The following TENM3 variants were observed in gnomAD, a reference collection of about 807,000 sequenced individuals.
TENM3 encodes teneurin transmembrane protein 3.
A neutral mutation model predicts 255.1 loss-of-function variants in TENM3; 63 were observed. The observed-to-expected ratio is 0.25, with a 90% CI of 0.20 to 0.30. The LOEUF (loss-of-function observed/expected upper bound fraction) is 0.30, where lower values mean the gene tolerates loss of function less well. Ranked by LOEUF, TENM3 falls within the 10% of genes least tolerant of loss-of-function variation. TENM3 has a pLI of 1.00. For synonymous variants in TENM3, 1,306 were observed against 1,322.3 expected, an observed-to-expected ratio of 0.99 and a Z score of 0.27; for missense variants, 2,929 against 3,461.1, an observed-to-expected ratio of 0.85 and a Z score of 3.86.
chr4:181,529,447 A>G, the TENM3 span, among the ~76,000 whole-genome samples: 1,220 of 152,342 alleles, frequency 8.0e-3, 17 homozygotes, highest in African/African-American at 0.028. Flanking sequence ...AACTTCAAAC[A>G]GAAAACTCAA....
intron 3 of TENM3, among the ~76,000 whole-genome samples, chr4:182,456,320 TAAG>T (rs766722796): frequency 3.3e-5 from 5 of 152,196 alleles, no homozygotes; most frequent in Non-Finnish European, 5.9e-5. Flanking sequence ...ATGAATGAAA[TAAG>T]AACAGAAAGG....
At chr4:181,467,934 C>A in the TENM3 span, among the ~76,000 whole-genome samples, 1 of 152,014 alleles carries the variant, frequency 6.6e-6, no homozygotes, top group Admixed American at 6.6e-5. Context: ...AAATTTTAGA[C>A]CTTACAACCA....
chr4:182,535,829 ATACC>A (rs1421629796), intron 3 of TENM3, among the ~76,000 whole-genome samples: 4 of 152,110 alleles, frequency 2.6e-5, no homozygotes, highest in African/African-American at 9.7e-5. Flanking sequence ...TATGTTAATA[ATACC>A]TACCTCTCAG....
chr4:182,609,943 A>G (rs1373139713), intron 4 of TENM3, among the ~76,000 whole-genome samples: 4 of 152,236 alleles, frequency 2.6e-5, no homozygotes, highest in Non-Finnish European at 4.4e-5. Context: ...GTAAATTGAC[A>G]TCTACCAAGG....
chr4:182,146,746 C>A (rs911143424), intron 1 of TENM3, among the ~76,000 whole-genome samples: 2 of 152,126 alleles, frequency 1.3e-5, no homozygotes, highest in African/African-American at 4.8e-5. Context: ...ACTCTGTGAA[C>A]CCCCTGTGCC....
In TENM3 at chr4:182,346,757, T is replaced by A; in HGVS notation, c.339T>A (p.Ser113Arg). 2 of 1,613,616 alleles carry A rather than the reference T, an allele frequency of 1.2e-6. No homozygotes were observed. The highest frequency in any genetic ancestry group is 1.7e-6 in the Non-Finnish European group (2 of 1,179,768). The change falls in exon 3 of 28, where the codon AGT (serine) becomes AGA (arginine). Residue 113 changes from serine (S) to arginine (R), a missense_variant. Physicochemically the swap from Ser to Arg is moderately radical, Grantham distance 110. Transcript: ENST00000511685. Reference sequence around the variant, plus strand: ...TCCCTCACAGAGGTTACTCTATCAGTGCAGGGTCAGATGCTGATACTGAAA... The same window carrying A: ...TCCCTCACAGAGGTTACTCTATCAGAGCAGGGTCAGATGCTGATACTGAAA... ...MGLPHRGYSI[S>R]AGSDADTENE...
chr4:182,653,912 T>C lies in TENM3; in HGVS notation c.1111+19T>C, dbSNP rs766639494. The C allele has an allele frequency of 4.4e-6, 7 of 1,592,884 alleles. No individual in the cohort carries two copies. In the South Asian group the frequency reaches 8.0e-5, roughly 18 times the overall value. On this transcript the variant is annotated intron_variant, in intron 6 of 27. Coordinates refer to ENST00000511685, the MANE Select transcript of TENM3 (RefSeq NM_001080477.4). ...GACAATGGTAAGCGAAAGAATTATG[T>C]ATCCTGTGTTTCTCTTTTAACATCC...
chr4:182,236,741 A>C (rs1756922164), intron 1 of TENM3, among the ~76,000 whole-genome samples: 1 of 152,190 alleles, frequency 6.6e-6, no homozygotes, highest in African/African-American at 2.4e-5. Context: ...AAACCTCAAA[A>C]CATGAAGCAG....
chr4:181,806,409 T>C, the TENM3 span, among the ~76,000 whole-genome samples: 1 of 152,256 alleles, frequency 6.6e-6, no homozygotes, highest in African/African-American at 2.4e-5. Context: ...CTACCTGCTG[T>C]GGTTGAACAT....
At chr4:181,605,107 T>G in the TENM3 span, among the ~76,000 whole-genome samples, 1 of 152,084 alleles carries the variant, frequency 6.6e-6, no homozygotes, top group African/African-American at 2.4e-5. Flanking sequence ...GTAACCCTAT[T>G]AGCTCATGGG....
the TENM3 span, among the ~76,000 whole-genome samples, chr4:182,116,373 A>G: frequency 6.8e-6 from 1 of 146,916 alleles, no homozygotes; most frequent in Non-Finnish European, 1.5e-5. Context: ...GTCCCCACCC[A>G]AATCTCATCT....
At chr4:182,519,645 T>C (rs776281638) in intron 3 of TENM3, among the ~76,000 whole-genome samples, 113 of 152,330 alleles carry the variant, frequency 7.4e-4, no homozygotes, top group Middle Eastern at 3.4e-3. Flanking sequence ...TTCCAAGACC[T>C]GTGCTCTTTC....
At chr4:181,833,332 T>C in the TENM3 span, among the ~76,000 whole-genome samples, 9 of 152,042 alleles carry the variant, frequency 5.9e-5, no homozygotes, top group Non-Finnish European at 8.8e-5. Context: ...ATCCATACAG[T>C]CACAGCTTTA....
intron 4 of TENM3, among the ~76,000 whole-genome samples, chr4:182,628,024 C>T (rs1445250702): frequency 6.6e-6 from 1 of 152,102 alleles, no homozygotes; most frequent in Non-Finnish European, 1.5e-5. Context: ...GGTTCACACT[C>T]CTGATTATGT....
intron 4 of TENM3, among the ~76,000 whole-genome samples, chr4:182,624,605 A>G (rs1750649994): frequency 6.6e-6 from 1 of 152,068 alleles, no homozygotes; most frequent in Non-Finnish European, 1.5e-5. Flanking sequence ...CAGCGTGGAC[A>G]TGTTCCCCTT....
At chr4:181,576,620 A>C in the TENM3 span, among the ~76,000 whole-genome samples, 1 of 152,104 alleles carries the variant, frequency 6.6e-6, no homozygotes, top group East Asian at 1.9e-4. Context: ...TTCTTTCCAC[A>C]GACAGCAGAA....
At chr4:182,489,903 C>G (rs1056635021) in intron 3 of TENM3, among the ~76,000 whole-genome samples, 1 of 151,388 alleles carries the variant, frequency 6.6e-6, no homozygotes, top group Non-Finnish European at 1.5e-5. Flanking sequence ...CCTCTCTCCC[C>G]CTTCTGGGAT....
At chr4:181,830,686 A>G in the TENM3 span, among the ~76,000 whole-genome samples, 1 of 152,142 alleles carries the variant, frequency 6.6e-6, no homozygotes, top group Admixed American at 6.6e-5. Flanking sequence ...TATGTTATAT[A>G]AATTGCCTTG....
the TENM3 span, among the ~76,000 whole-genome samples, chr4:182,094,720 A>G: frequency 1.3e-5 from 2 of 152,218 alleles, no homozygotes; most frequent in Admixed American, 1.3e-4. Flanking sequence ...AAAGAACAAA[A>G]CAGAAACCCA....
Sources: allele counts gnomAD v4.1 joint callset (sites outside exome capture counted in the v4.1 genomes callset), GRCh38; gene constraint gnomAD v4.1.1; transcripts MANE v1.5; gene names NCBI Gene and HGNC (gene_info 2026-07-23, HGNC 2026-07-21).